The following THRB variants were observed in gnomAD, a reference collection of about 807,000 sequenced individuals.
THRB encodes the protein nuclear receptor subfamily 1 group A member 2.
In THRB, 12 loss-of-function variants were observed where a neutral mutation model predicts 47.8. The observed-to-expected ratio is 0.25, with a 90% confidence interval of 0.16 to 0.41. The LOEUF is 0.41. Ranked by LOEUF, THRB falls within the 10% of genes least tolerant of loss-of-function variation. THRB has a pLI of 1.00. For missense variants in THRB, 348 were observed against 589.2 expected, an observed-to-expected ratio of 0.59 and a Z score of 4.24; for synonymous variants, 218 against 212.2, an observed-to-expected ratio of 1.03 and a Z score of -0.24.
chr3:24,292,816 C>G (rs553826468), intron 3 of THRB, among the ~76,000 whole-genome samples: 2 of 152,280 alleles, frequency 1.3e-5, no homozygotes, highest in South Asian at 2.1e-4. Flanking sequence ...CCAGATCCCT[C>G]GGCTCCTGGG....
chr3:24,231,142 TGACTTAGGTTTCTGTCACTTGC>T (rs2048221046), intron 3 of THRB, among the ~76,000 whole-genome samples: 1 of 152,244 alleles, frequency 6.6e-6, no homozygotes, highest in Non-Finnish European at 1.5e-5. Flanking sequence ...TAAGCTGGTT[TGACTTAGGTTTCTGTCACTTGC>T]AACCAAAAGA....
chr3:24,411,804 C>T (rs935577382), intron 1 of THRB, among the ~76,000 whole-genome samples: 2 of 151,660 alleles, frequency 1.3e-5, no homozygotes, highest in South Asian at 4.1e-4. Flanking sequence ...GTGTAGGATA[C>T]AACAGAGAAT....
intron 1 of THRB, among the ~76,000 whole-genome samples, chr3:24,371,973 G>A (rs1277753507): frequency 2.6e-5 from 4 of 152,026 alleles, no homozygotes; most frequent in Non-Finnish European, 5.9e-5. Context: ...TGCTCCTCTT[G>A]TTCTTTCTCT....
intron 4 of THRB, among the ~76,000 whole-genome samples, chr3:24,193,814 T>C (rs974745126): frequency 6.6e-6 from 1 of 150,948 alleles, no homozygotes; most frequent in African/African-American, 2.5e-5. Context: ...AAAAGACATT[T>C]GCACACACAT....
chr3:24,280,871 A>C (rs1318208003), intron 3 of THRB, among the ~76,000 whole-genome samples: 1 of 152,182 alleles, frequency 6.6e-6, no homozygotes, highest in Non-Finnish European at 1.5e-5. Flanking sequence ...ATGAAGCGAG[A>C]AGGGAAGTTT....
chr3:24,160,608 T>C (rs2038664485), intron 5 of THRB, among the ~76,000 whole-genome samples: 2 of 151,988 alleles, frequency 1.3e-5, no homozygotes, highest in South Asian at 2.1e-4. Flanking sequence ...CACGGGAAGG[T>C]CAGCATTCCC....
intron 4 of THRB, among the ~76,000 whole-genome samples, chr3:24,209,436 T>A (rs1047704070): frequency 6.6e-6 from 1 of 152,172 alleles, no homozygotes; most frequent in Non-Finnish European, 1.5e-5. Flanking sequence ...CAAATGTCCA[T>A]CAATGATAGA....
intron 1 of THRB, among the ~76,000 whole-genome samples, chr3:24,451,557 A>T (rs1237363219): frequency 6.6e-6 from 1 of 152,082 alleles, no homozygotes; most frequent in Admixed American, 6.6e-5. Context: ...TAGCTTTCAA[A>T]AGTCAGAGTC....
At chr3:24,408,604 G>C (rs1274937534) in intron 1 of THRB, among the ~76,000 whole-genome samples, 1 of 151,798 alleles carries the variant, frequency 6.6e-6, no homozygotes, top group African/African-American at 2.4e-5. Context: ...ATATGTTTGA[G>C]ACCAAAGCTT....
At chr3:24,290,901 G>A (rs1226450620) in intron 3 of THRB, among the ~76,000 whole-genome samples, 2 of 152,136 alleles carry the variant, frequency 1.3e-5, no homozygotes, top group Non-Finnish European at 2.9e-5. Context: ...ATAGGGAGGT[G>A]GCATCTGTTA....
intron 1 of THRB, among the ~76,000 whole-genome samples, chr3:24,432,959 G>A (rs370136785): frequency 9.2e-5 from 14 of 151,878 alleles, no homozygotes; most frequent in Admixed American, 4.6e-4. Flanking sequence ...AATTCAGACC[G>A]CAGGCTTAGT....
At chr3:24,495,539 G>C (rs1698895354), upstream of THRB, 1 of 152,404 alleles carries the variant, frequency 6.6e-6, no homozygotes, top group South Asian at 2.1e-4. Context: ...GGTTGGTGAC[G>C]GTGCTGTGGG....
At chr3:24,296,796 A>G (rs1359649872) in intron 3 of THRB, among the ~76,000 whole-genome samples, 16 of 152,350 alleles carry the variant, frequency 1.1e-4, no homozygotes, top group Non-Finnish European at 2.1e-4. Flanking sequence ...GATGTCAGTT[A>G]AATAGGGCTA....
In THRB at chr3:24,118,973, GTTTTTTTTTTTTTT is replaced by G. The variant is rs559325556; in HGVS notation, c.*3897_*3910del. On this transcript the variant is annotated 3_prime_UTR_variant, in exon 11 of 11. Transcript: ENST00000646209. Reference sequence around the variant, plus strand: ...GCCAAACCTTTTTTCCCCCAGTCTGGTTTTTTTTTTTTTTTTTTTTTTTTTTTTTTGAGTGTGTT... The same window carrying G: ...GCCAAACCTTTTTTCCCCCAGTCTGGTTTTTTTTTTTTTTTTGAGTGTGTT... 108 of 49,536 alleles carry G rather than the reference GTTTTTTTTTTTTTT, an allele frequency of 2.2e-3. No individual in the cohort carries two copies. In the East Asian group the frequency reaches 0.022, roughly 10 times the overall value. 3.1% of individuals were successfully genotyped at this position (49,536 alleles called of 1,614,324 possible). A position where few individuals can be genotyped will look rare whatever the true frequency, so the allele number is the denominator to read the frequency against.
At chr3:24,464,446 A>G (rs2073971903) in intron 1 of THRB, among the ~76,000 whole-genome samples, 1 of 152,096 alleles carries the variant, frequency 6.6e-6, no homozygotes, top group African/African-American at 2.4e-5. Flanking sequence ...TTTTAGCTCT[A>G]TTTTAATTAG....
At chr3:24,367,129 GTT>G (rs2064534255) in intron 1 of THRB, among the ~76,000 whole-genome samples, 1 of 152,204 alleles carries the variant, frequency 6.6e-6, no homozygotes, top group Non-Finnish European at 1.5e-5. Flanking sequence ...AATGGTCAGA[GTT>G]ACTACCTTCA....
At chr3:24,234,796 C>T (rs139305588) in intron 3 of THRB, among the ~76,000 whole-genome samples, 103 of 152,258 alleles carry the variant, frequency 6.8e-4, no homozygotes, top group African/African-American at 2.1e-3. Context: ...TTTTTTTCCA[C>T]GCCAGGGATG....
intron 1 of THRB, among the ~76,000 whole-genome samples, chr3:24,385,149 A>T (rs964980084): frequency 2.0e-5 from 3 of 152,150 alleles, no homozygotes; most frequent in Non-Finnish European, 4.4e-5. Flanking sequence ...TAAGAATTCC[A>T]TTACAAATAA....
intron 3 of THRB, among the ~76,000 whole-genome samples, chr3:24,268,714 TAGAA>T (rs754802634): frequency 2.0e-5 from 3 of 152,198 alleles, no homozygotes; most frequent in Non-Finnish European, 4.4e-5. Context: ...ATAAATAATC[TAGAA>T]AGAATGTTCT....
Sources: allele counts gnomAD v4.1 joint callset (sites outside exome capture counted in the v4.1 genomes callset), GRCh38; gene constraint gnomAD v4.1.1; transcripts MANE v1.5; gene names NCBI Gene and HGNC (gene_info 2026-07-23, HGNC 2026-07-21).